TBL1Y: variants seen among roughly 807,000 people sequenced by gnomAD.
TBL1Y encodes F-box-like/WD repeat-containing protein TBL1Y.
In TBL1Y, 15 loss-of-function variants were observed where a neutral mutation model predicts 12.0. The observed-to-expected ratio is 1.25, with a 90% confidence interval of 0.83 to 1.92. The LOEUF (loss-of-function observed/expected upper bound fraction) is 1.92, where lower values mean the gene tolerates loss of function less well. Ranked by LOEUF, TBL1Y falls within the 40% of genes most tolerant of loss-of-function variation. The pLI is 0.00. For missense variants in TBL1Y, 148 were observed against 116.7 expected (o/e 1.27, Z -1.24); for synonymous variants, 53 against 42.6 (o/e 1.24, Z -0.95).
intron 6 of TBL1Y, among the ~76,000 whole-genome samples, chrY:7,028,217 T>TC (rs2012635892): frequency 8.8e-5 from 3 of 34,081 alleles, no homozygotes; most frequent in Admixed American, 7.9e-4. Context: ...GCCATTCCTG[T>TC]CCAACTGTTC....
chrY:6,968,215 C>G, intron 2 of TBL1Y, among the ~76,000 whole-genome samples: 1 of 33,166 alleles, frequency 3.0e-5, no homozygotes, highest in Non-Finnish European at 7.4e-5. Flanking sequence ...TAGGACTTCA[C>G]CATATGAGTT....
intron 13 of TBL1Y, among the ~76,000 whole-genome samples, chrY:7,078,203 G>A (rs2013072490): frequency 5.9e-5 from 2 of 33,663 alleles, no homozygotes; most frequent in Admixed American, 5.4e-4. Context: ...CACATAAGAT[G>A]GGCTTCTGTA....
intron 3 of TBL1Y, among the ~76,000 whole-genome samples, chrY:6,979,003 C>T: frequency 6.2e-5 from 2 of 32,146 alleles, no homozygotes; most frequent in Non-Finnish European, 1.5e-4. Flanking sequence ...GGCATGATAT[C>T]GTCTCACTGC....
At chrY:6,988,588 AAGTCGAGCCTTCAGTG>A (rs2012337748) in intron 3 of TBL1Y, among the ~76,000 whole-genome samples, 1 of 30,926 alleles carries the variant, frequency 3.2e-5, no homozygotes, top group Non-Finnish European at 7.7e-5. Flanking sequence ...TGAGCCCAGG[AAGTCGAGCCTTCAGTG>A]AGTCGTGATT....
chrY:7,062,950 C>A, intron 7 of TBL1Y, among the ~76,000 whole-genome samples: 1 of 33,911 alleles, frequency 2.9e-5, no homozygotes, highest in African/African-American at 1.2e-4. Flanking sequence ...CTTTTCTTTC[C>A]CTGGTCTGTG....
chrY:6,920,150 G>A (rs181335666), intron 2 of TBL1Y: 27 of 33,682 alleles, frequency 8.0e-4, no homozygotes, highest in African/African-American at 3.1e-3. Context: ...AAAATCAGGT[G>A]TGTTGTTGAG....
intron 2 of TBL1Y, among the ~76,000 whole-genome samples, chrY:6,950,874 A>C: frequency 3.0e-5 from 1 of 33,466 alleles, no homozygotes; most frequent in Non-Finnish European, 7.4e-5. Flanking sequence ...TAATTTATTG[A>C]GAGTTTTTAG....
chrY:7,063,711 C>G (rs769872101), intron 7 of TBL1Y, among the ~76,000 whole-genome samples, 186 bp from the exon 8 acceptor site: 2 of 33,327 alleles, frequency 6.0e-5, no homozygotes, highest in Non-Finnish European at 1.5e-4. Flanking sequence ...CATATTGATT[C>G]TTTGAAAAGA....
intron 2 of TBL1Y, among the ~76,000 whole-genome samples, chrY:6,950,265 AAAC>A (rs2012015211): frequency 3.0e-5 from 1 of 33,677 alleles, no homozygotes; most frequent in Admixed American, 2.7e-4. Flanking sequence ...CACCAATTCC[AAAC>A]AAACGTTCTT....
At chrY:7,085,331 T>C (rs2013122953) in intron 14 of TBL1Y, among the ~76,000 whole-genome samples, 1 of 29,713 alleles carries the variant, frequency 3.4e-5, no homozygotes, top group Non-Finnish European at 7.9e-5. Context: ...CAGCAACCCA[T>C]CTCCATCAAA....
intron 2 of TBL1Y, among the ~76,000 whole-genome samples, chrY:6,939,910 T>C: frequency 3.4e-5 from 1 of 29,465 alleles, no homozygotes; most frequent in East Asian, 8.6e-4. Context: ...CCCAGCCGCT[T>C]CAGGTGATCT....
At chrY:7,062,951 C>G (rs2012893341) in intron 7 of TBL1Y, among the ~76,000 whole-genome samples, 26 of 34,047 alleles carry the variant, frequency 7.6e-4, no homozygotes, top group African/African-American at 1.3e-3. Context: ...TTTTCTTTCC[C>G]TGGTCTGTGC....
At chrY:6,913,537 A>C (rs2011713583) in intron 2 of TBL1Y, among the ~76,000 whole-genome samples, 2 of 32,678 alleles carry the variant, frequency 6.1e-5, no homozygotes, top group Non-Finnish European at 1.5e-4. Context: ...ATTAGTCCTT[A>C]AGTTGTGAAG....
At chrY:6,912,197 G>A in intron 2 of TBL1Y, 25 bp downstream of exon 2, 1 of 33,900 alleles carries the variant, frequency 2.9e-5, no homozygotes, top group Non-Finnish European at 7.3e-5. Context: ...ACAATTTTAT[G>A]AAAAATTTAG....
chrY:6,963,722 T>G (rs2012147739), intron 2 of TBL1Y, among the ~76,000 whole-genome samples: 1 of 33,826 alleles, frequency 3.0e-5, no homozygotes, highest in Non-Finnish European at 7.3e-5. Flanking sequence ...AACATAAATC[T>G]ACTGCCGTGC....
chrY:7,007,417 A>G, intron 4 of TBL1Y, among the ~76,000 whole-genome samples: 2 of 33,424 alleles, frequency 6.0e-5, no homozygotes, highest in Admixed American at 5.5e-4. Context: ...GTGATAAAAA[A>G]TACACCAAAA....
chrY:6,992,152 A>C, intron 3 of TBL1Y, among the ~76,000 whole-genome samples: 3 of 33,799 alleles, frequency 8.9e-5, no homozygotes, highest in African/African-American at 3.5e-4. Flanking sequence ...CATGTGCGTA[A>C]GTTTGCTCTG....
At chrY:7,064,589 A>T (rs2012958617) in intron 8 of TBL1Y, among the ~76,000 whole-genome samples, 2 of 33,728 alleles carry the variant, frequency 5.9e-5, no homozygotes, top group Non-Finnish European at 1.5e-4. Context: ...TCTTTGCAAA[A>T]TCCCAGAACA....
At chrY:7,062,113 G>T (rs2012874894) in intron 7 of TBL1Y, among the ~76,000 whole-genome samples, 1 of 31,996 alleles carries the variant, frequency 3.1e-5, no homozygotes, top group African/African-American at 1.2e-4. Context: ...GGTGGCCGTG[G>T]CTGTCTGAGG....
Sources: gnomAD v4.1 joint callset for allele counts (sites outside exome capture counted in the v4.1 genomes callset) on GRCh38, gnomAD v4.1.1 for gene constraint, MANE v1.5 for transcripts, NCBI Gene and HGNC (gene_info 2026-07-23, HGNC 2026-07-21) for gene names.